GRIA1: variants seen among roughly 807,000 people sequenced by gnomAD.
GRIA1 encodes glutamate ionotropic receptor AMPA type subunit 1.
A neutral mutation model predicts 99.2 loss-of-function variants in GRIA1; 31 were observed. The ratio of observed to expected loss-of-function variants is 0.31; its 90% CI spans 0.23 to 0.42. The LOEUF is 0.42. GRIA1 is among the 10% of genes least tolerant of loss of function. The probability of loss-of-function intolerance (pLI) is 1.00; values close to 1 mark genes in which losing one functional copy is unlikely to be tolerated. For synonymous variants in GRIA1, 438 were observed against 432.4 expected (o/e 1.01, Z -0.16); for missense variants, 782 against 1,157.5 (o/e 0.68, Z 4.71).
chr5:153,655,245 C>A (rs1156416959), intron 4 of GRIA1, among the ~76,000 whole-genome samples: 1 of 152,178 alleles, frequency 6.6e-6, no homozygotes, highest in Admixed American at 6.5e-5. Context: ...GAGTACCTAA[C>A]TGATTCGGGG....
At chr5:153,695,325 C>T (rs1290379976) in intron 8 of GRIA1, among the ~76,000 whole-genome samples, 2 of 152,166 alleles carry the variant, frequency 1.3e-5, no homozygotes, top group African/African-American at 4.8e-5. Context: ...TACCAGAGTG[C>T]TTTTAAACAT....
At chr5:153,630,876 A>G (rs1377566335) in intron 2 of GRIA1, among the ~76,000 whole-genome samples, 5 of 152,200 alleles carry the variant, frequency 3.3e-5, no homozygotes, top group Non-Finnish European at 7.3e-5. Context: ...TCTATAATGC[A>G]GTGTTCTGAG....
intron 8 of GRIA1, among the ~76,000 whole-genome samples, chr5:153,691,174 C>T (rs923246905): frequency 2.0e-5 from 3 of 152,160 alleles, no homozygotes; most frequent in Non-Finnish European, 2.9e-5. Flanking sequence ...AGGATGGGTA[C>T]TTGCTCTACT....
At chr5:153,694,615 A>G (rs1757972961) in intron 8 of GRIA1, among the ~76,000 whole-genome samples, 1 of 152,214 alleles carries the variant, frequency 6.6e-6, no homozygotes, top group Admixed American at 6.5e-5. Context: ...CATCCACTCT[A>G]CAGATCAGGG....
intron 11 of GRIA1, among the ~76,000 whole-genome samples, chr5:153,734,320 T>A (rs1324944078): frequency 6.6e-6 from 1 of 152,192 alleles, no homozygotes; most frequent in Non-Finnish European, 1.5e-5. Flanking sequence ...AGGACCCCCC[T>A]AAGAGCAGAG....
At chr5:153,636,794 C>T (rs1753393493) in intron 2 of GRIA1, among the ~76,000 whole-genome samples, 1 of 152,228 alleles carries the variant, frequency 6.6e-6, no homozygotes, top group East Asian at 1.9e-4. Flanking sequence ...TCATGTAAGG[C>T]ACTTAGCTTA....
chr5:153,583,519 C>G (rs1302906734), intron 2 of GRIA1, among the ~76,000 whole-genome samples: 2 of 152,180 alleles, frequency 1.3e-5, no homozygotes, highest in Non-Finnish European at 2.9e-5. Context: ...CACCACATGG[C>G]TCTTTCCCCT....
At position 153,514,213 on chromosome 5, in the gene GRIA1, A is replaced by AT. The variant is rs1486973592; in HGVS notation, c.220+20150dup. Among the ~76,000 whole-genome samples the AT allele has an allele frequency of 7.9e-5, 12 of 152,304 alleles. 1 individual carries two copies. Among genetic ancestry groups the AT allele is most frequent in the Admixed American group, 1.3e-4 (2 of 15,296 alleles). The stretch of plus-strand genomic sequence containing the variant: ...CATGTTGTGATGCGTTTTTTACAAG[A>AT]TTGTCTTTTGTTGTCTATGCTTTTG... On this transcript the variant is annotated intron_variant, in intron 2 of 15. Coordinates refer to ENST00000285900, the MANE Select transcript of GRIA1 (RefSeq NM_000827.4).
At chr5:153,708,773 T>C (rs891594009) in intron 11 of GRIA1, among the ~76,000 whole-genome samples, 2 of 152,178 alleles carry the variant, frequency 1.3e-5, no homozygotes, top group African/African-American at 4.8e-5. Context: ...TAGCCAGTGG[T>C]TTATGCCAGA....
At chr5:153,514,942 A>G (rs1443445994) in intron 2 of GRIA1, among the ~76,000 whole-genome samples, 2 of 152,204 alleles carry the variant, frequency 1.3e-5, no homozygotes, top group Non-Finnish European at 2.9e-5. Context: ...TATTATCAAA[A>G]AGATGAAAAA....
chr5:153,713,097 T>C (rs1229765874), intron 11 of GRIA1, among the ~76,000 whole-genome samples: 4 of 151,986 alleles, frequency 2.6e-5, no homozygotes, highest in Admixed American at 2.0e-4. Context: ...TGATATTGAG[T>C]CAAAAGCCGT....
intron 10 of GRIA1, among the ~76,000 whole-genome samples, chr5:153,705,362 G>C (rs1758813957): frequency 6.6e-6 from 1 of 152,184 alleles, no homozygotes; most frequent in Non-Finnish European, 1.5e-5. Flanking sequence ...AGTGGGGCAA[G>C]AATGGTTCTC....
chr5:153,634,895 G>A (rs927012918), intron 2 of GRIA1, among the ~76,000 whole-genome samples: 1 of 152,218 alleles, frequency 6.6e-6, no homozygotes, highest in Non-Finnish European at 1.5e-5. Context: ...TTAGTTTCTG[G>A]TGTTGCCACT....
intron 2 of GRIA1, among the ~76,000 whole-genome samples, chr5:153,551,054 G>GT (rs1202445887): frequency 3.3e-5 from 5 of 151,888 alleles, no homozygotes; most frequent in Non-Finnish European, 5.9e-5. Context: ...GGTCAATGCA[G>GT]TTTTTTTTAA....
At chr5:153,804,732 AATTTATTT>A (rs201693712) in intron 15 of GRIA1, among the ~76,000 whole-genome samples, 10 of 76,124 alleles carry the variant, frequency 1.3e-4, no homozygotes, top group South Asian at 6.0e-4. Context: ...TTAATTAATT[AATTTATTT>A]ATTTATTTAT....
intron 14 of GRIA1, among the ~76,000 whole-genome samples, chr5:153,799,088 C>G (rs868863207): frequency 5.3e-5 from 8 of 152,238 alleles, no homozygotes; most frequent in Middle Eastern, 6.8e-3. Context: ...TCCACCCCCC[C>G]CTGACAAGCT....
chr5:153,598,797 G>A (rs1455007254), intron 2 of GRIA1, among the ~76,000 whole-genome samples: 6 of 82,150 alleles, frequency 7.3e-5, no homozygotes, highest in East Asian at 1.4e-3. Flanking sequence ...GTTAAACCAC[G>A]GCAGCTTTTT....
At chr5:153,749,793 A>AT (rs911081199) in intron 11 of GRIA1, among the ~76,000 whole-genome samples, 1 of 151,938 alleles carries the variant, frequency 6.6e-6, no homozygotes, top group Admixed American at 6.6e-5. Flanking sequence ...ATCTACACCC[A>AT]TTTTTTTGCA....
chr5:153,737,315 A>G (rs62383406), intron 11 of GRIA1, among the ~76,000 whole-genome samples: 7 of 141,458 alleles, frequency 4.9e-5, no homozygotes, highest in African/African-American at 1.1e-4. Context: ...AAAAAAAAAA[A>G]GGGATACTCC....
Sources: gnomAD v4.1 joint callset for allele counts (sites outside exome capture counted in the v4.1 genomes callset) on GRCh38, gnomAD v4.1.1 for gene constraint, MANE v1.5 for transcripts, NCBI Gene and HGNC (gene_info 2026-07-23, HGNC 2026-07-21) for gene names.